The following L3MBTL2 variants were observed in gnomAD, a reference collection of about 807,000 sequenced individuals.
L3MBTL2 encodes lethal(3)malignant brain tumor-like protein 2.
In L3MBTL2, 49 loss-of-function variants were observed where a neutral mutation model predicts 86.4. That is an observed-to-expected ratio of 0.57 (90% CI 0.45 to 0.72). The LOEUF (loss-of-function observed/expected upper bound fraction) is 0.72, where lower values mean the gene tolerates loss of function less well. L3MBTL2 is among the 30% of genes least tolerant of loss of function. The pLI, the probability that L3MBTL2 is intolerant of heterozygous loss-of-function variation, is 0.00. For missense variants in L3MBTL2, 755 were observed against 923.7 expected (o/e 0.82, Z 2.37); for synonymous variants, 336 against 350.6 (o/e 0.96, Z 0.47).
At chr22:41,214,223 G>C (rs939989001) in intron 3 of L3MBTL2, 197 bp downstream of exon 3, 2 of 554,084 alleles carry the variant, frequency 3.6e-6, no homozygotes, top group African/African-American at 3.8e-5. Flanking sequence ...CTGAAGCTAC[G>C]CTCCATTACC....
rs762759161 is a variant in L3MBTL2, at chr22:41,227,324, G to T, written c.1822+1G>T. 3.1e-6 allele frequency: 5 copies of T among 1,593,678 alleles called. No individual in the cohort carries two copies. The highest frequency in any genetic ancestry group is 4.3e-6 in the Non-Finnish European group (5 of 1,170,380). On this transcript the variant is annotated splice_donor_variant, in intron 14 of 16. Coordinates refer to ENST00000216237, the MANE Select transcript of L3MBTL2 (RefSeq NM_031488.5). LOFTEE classifies it high-confidence loss of function. This position sits in a 1 kb window ranked among gnomAD's most constrained non-coding sequence, Gnocchi z 6.0. ...CAGCTCCAGCCTCCTGTGGCCGCAG[G>T]TGTGGGCTCTCGTGGCCCTAAGAGG...
intron 3 of L3MBTL2, among the ~76,000 whole-genome samples, chr22:41,214,883 C>T (rs528272538): frequency 2.6e-5 from 4 of 152,218 alleles, no homozygotes; most frequent in East Asian, 1.9e-4. Context: ...TGGTGTTGTA[C>T]GCCTGTAGTC....
intron 5 of L3MBTL2, 117 bp from the exon 6 acceptor site, chr22:41,219,302 G>C (rs1249190592): frequency 2.7e-6 from 2 of 740,650 alleles, no homozygotes; most frequent in Non-Finnish European, 4.9e-6. Flanking sequence ...TCTGCACACA[G>C]TGGGTGATGT....
Position 41,225,020 on chromosome 22 carries a change from G to A in L3MBTL2, c.1305G>A (p.Glu435=), listed in dbSNP as rs761903175. The A allele has an allele frequency of 6.2e-6, 10 of 1,613,996 alleles. No homozygotes were observed. Among genetic ancestry groups the A allele is most frequent in the Non-Finnish European group, 8.5e-6 (10 of 1,180,000 alleles). ...GGTTTGAGGAAGGGATGAAGCTGGA[G>A]GCCATTGACCCCCTGAATCTGGGCA... ...GGWFEEGMKL[E]AIDPLNLGNI... is the part of the protein sequence containing the mutation. The change falls in exon 11 of 17, where the codon GAG becomes GAA. Residue 435 remains glutamate (E), a synonymous_variant. Coordinates refer to ENST00000216237, the MANE Select transcript of L3MBTL2 (RefSeq NM_031488.5). This position sits in a 1 kb window ranked among gnomAD's most constrained non-coding sequence, Gnocchi z 4.1.
At chr22:41,215,686 G>T (rs140412038) in intron 3 of L3MBTL2, among the ~76,000 whole-genome samples, 5 of 150,970 alleles carry the variant, frequency 3.3e-5, no homozygotes, top group Non-Finnish European at 5.9e-5. Flanking sequence ...ACCCTCTCCC[G>T]AACATTCGCC....
Position 41,220,785 on chromosome 22 carries a change from ACTT to A in L3MBTL2, c.773_775del (p.Phe258del). On this transcript the variant is annotated inframe_deletion, in exon 7 of 17. Transcript: ENST00000216237. ...GGCTTTGAAAATGACGCCAGCCATGACTTCTGGTGCAACCTGGGAACAGTGGAT... is the reference window on the plus strand; with the variant it reads ...GGCTTTGAAAATGACGCCAGCCATGACTGGTGCAACCTGGGAACAGTGGAT... The A allele has an allele frequency of 6.2e-7, 1 of 1,613,854 alleles. No individual in the cohort carries two copies. Among genetic ancestry groups the A allele is most frequent in the Non-Finnish European group, 8.5e-7 (1 of 1,179,928 alleles).
intron 2 of L3MBTL2, among the ~76,000 whole-genome samples, chr22:41,212,722 C>T (rs543852647): frequency 1.5e-4 from 22 of 151,538 alleles, no homozygotes; most frequent in South Asian, 1.3e-3. Flanking sequence ...GGCGAAACCC[C>T]GTCTCTACTA....
intron 1 of L3MBTL2, among the ~76,000 whole-genome samples, chr22:41,206,630 C>T (rs951744925): frequency 1.3e-5 from 2 of 151,972 alleles, no homozygotes; most frequent in Non-Finnish European, 2.9e-5. Context: ...AACCCCATCT[C>T]TACTAAAAAT....
intron 15 of L3MBTL2, among the ~76,000 whole-genome samples, chr22:41,228,944 G>A (rs2032389007): frequency 6.6e-6 from 1 of 152,166 alleles, no homozygotes. Context: ...AATGGTGCAT[G>A]TTGTGGGAAG....
chr22:41,226,706 A>G lies in L3MBTL2; in HGVS notation c.1549A>G (p.Thr517Ala). The G allele has an allele frequency of 6.2e-7, 1 of 1,613,998 alleles. No individual in the cohort carries two copies. The highest frequency in any genetic ancestry group is 8.5e-7 in the Non-Finnish European group (1 of 1,179,870). ...TFNWENYLEKTKSKAAPSRLF... is the reference protein window; with the variant it reads ...TFNWENYLEKAKSKAAPSRLF... ...CAACTGGGAGAACTACTTGGAGAAG[A>G]CCAAGTCGAAAGCCGCTCCATCGAG... The change falls in exon 13 of 17, where the codon ACC becomes GCC. Residue 517 changes from threonine (T) to alanine (A), a missense_variant. Thr to Ala is a moderately conservative substitution (Grantham distance 58, BLOSUM62 0). Transcript: ENST00000216237.
intron 15 of L3MBTL2, chr22:41,228,313 G>C (rs2032334069): frequency 6.1e-6 from 6 of 985,486 alleles, no homozygotes; most frequent in Non-Finnish European, 7.2e-6. Context: ...TGGGAGCAAA[G>C]GCAGGCAGCT....
chr22:41,211,376 T>G (rs1601493265), intron 2 of L3MBTL2, among the ~76,000 whole-genome samples: 1 of 51,136 alleles, frequency 2.0e-5, no homozygotes, highest in Non-Finnish European at 4.0e-5. Context: ...AATTTTTGTA[T>G]TTTTTTTTTG....
At position 41,226,946 on chromosome 22, in the gene L3MBTL2, G is replaced by A. The variant is rs1027544809; in HGVS notation, c.1588-143G>A. On this transcript the variant is annotated intron_variant, in intron 13 of 16. Coordinates refer to ENST00000216237, the MANE Select transcript of L3MBTL2 (RefSeq NM_031488.5). ...GGCGGTACTGGGAGAGGTGCAGTGG[G>A]TTATTGTCTAGAGGAAGCTGCCCCA... 9.0e-6 allele frequency: 7 copies of A among 773,782 alleles called. No homozygotes were observed. In the African/African-American group the frequency reaches 1.2e-4, roughly 13 times the overall value. The allele number at this position is 773,782 out of a possible 1,614,324, so 47.9% of individuals were successfully genotyped here. A position where few individuals can be genotyped will look rare whatever the true frequency, so the allele number is the denominator to read the frequency against.
chr22:41,224,704 C>T lies in L3MBTL2; in HGVS notation c.1175-21C>T, dbSNP rs1470379180. 2 of 1,597,936 alleles carry T rather than the reference C, an allele frequency of 1.3e-6. No individual in the cohort carries two copies. Among genetic ancestry groups the T allele is most frequent in the Admixed American group, 1.7e-5 (1 of 60,000 alleles). On this transcript the variant is annotated intron_variant, in intron 9 of 16. Coordinates refer to ENST00000216237, the MANE Select transcript of L3MBTL2 (RefSeq NM_031488.5). The surrounding 1 kb of genome is among the most constrained non-coding windows in gnomAD (Gnocchi z 4.9). The stretch of plus-strand genomic sequence containing the variant: ...CTCCAACTCCCTTCTCTCCCTCATT[C>T]CCTATCCATCTCCTCCAAAGAGAGG...
At chr22:41,223,996 G>A (rs544567858) in intron 8 of L3MBTL2, 24 bp from the exon 9 acceptor site, 2 of 1,589,850 alleles carry the variant, frequency 1.3e-6, no homozygotes, top group Non-Finnish European at 1.7e-6. Flanking sequence ...GCCATAGCAG[G>A]CCTGTGTTCT....
chr22:41,225,052 G>C lies in L3MBTL2; in HGVS notation c.1337G>C (p.Cys446Ser), dbSNP rs1295719296. The C allele has an allele frequency of 3.7e-6, 6 of 1,613,818 alleles. No homozygotes were observed. Among genetic ancestry groups the C allele is most frequent in the Non-Finnish European group, 5.1e-6 (6 of 1,179,898 alleles). ...AIDPLNLGNI[C>S]VATVCKVLLD... is the part of the protein sequence containing the mutation. ...GACCCCCTGAATCTGGGCAACATCT[G>C]CGTGGCAACTGTCTGTAAGGTGAGC... is the stretch of plus-strand genomic sequence containing the variant. Residue 446 changes from cysteine to serine, a missense_variant, in exon 11 of 17, where the codon TGC becomes TCC. By Grantham distance (112) the Cys-to-Ser change is moderately radical. Around this residue, in one of 3 missense-constraint regions of L3MBTL2, gnomAD observed 634 missense variants for 748.9 expected, o/e 0.85. Transcript: ENST00000216237. This position sits in a 1 kb window ranked among gnomAD's most constrained non-coding sequence, Gnocchi z 4.1.
Position 41,230,532 on chromosome 22 carries a change from C to T in L3MBTL2, c.*281C>T, listed in dbSNP as rs1393313885. On this transcript the variant is annotated 3_prime_UTR_variant, in exon 17 of 17. Coordinates refer to ENST00000216237, the MANE Select transcript of L3MBTL2 (RefSeq NM_031488.5). ...CCAGCCAGAGTTCCCAAAGCTGGAACGCTAGCTGCCTGCTCTTCCTTAAGA... is the reference window on the plus strand; with the variant it reads ...CCAGCCAGAGTTCCCAAAGCTGGAATGCTAGCTGCCTGCTCTTCCTTAAGA... The T allele has an allele frequency of 4.2e-5, 18 of 433,406 alleles. No homozygotes were observed. Among genetic ancestry groups the T allele is most frequent in the Non-Finnish European group, 6.7e-5 (16 of 240,310 alleles). The allele number at this position is 433,406 out of a possible 1,614,324, so 26.8% of individuals were successfully genotyped here.
At position 41,227,829 on chromosome 22, in the gene L3MBTL2, A is replaced by G. The variant is rs199653147; in HGVS notation, c.1848A>G (p.Lys616=). 865 of 1,613,788 alleles carry G rather than the reference A, an allele frequency of 5.4e-4. 1 individual carries two copies. The highest frequency in any genetic ancestry group is 6.4e-4 in the Non-Finnish European group (755 of 1,179,832). Residue 616 remains lysine, a synonymous_variant, in exon 15 of 17, where the codon AAA becomes AAG. Transcript: ENST00000216237. This position sits in a 1 kb window ranked among gnomAD's most constrained non-coding sequence, Gnocchi z 6.0. ...AACCGGCCACACCGCTGAAGGCCAA[A>G]GAGGCCACAAAGAAGAAAAAGAAAC... ...AAEPATPLKA[K]EATKKKKKQF... is the part of the protein sequence containing the mutation.
rs1164028714 is a variant in L3MBTL2 at position 41,226,694 on chromosome 22, T to C, written c.1537T>C (p.Tyr513His). ...YEAQTFNWEN[Y>H]LEKTKSKAAP... Reference sequence around the variant, plus strand: ...GGCACAGACTTTCAACTGGGAGAACTACTTGGAGAAGACCAAGTCGAAAGC... The same window carrying C: ...GGCACAGACTTTCAACTGGGAGAACCACTTGGAGAAGACCAAGTCGAAAGC... Residue 513 changes from tyrosine (Y) to histidine (H), a missense_variant, in exon 13 of 17, where the codon TAC becomes CAC. Tyr to His is a moderately conservative substitution (Grantham distance 83). This residue lies in a region of L3MBTL2 where 634 missense variants were observed against 748.9 expected (regional missense o/e 0.85). Coordinates refer to ENST00000216237, the MANE Select transcript of L3MBTL2 (RefSeq NM_031488.5). 6 of 1,613,958 alleles carry C rather than the reference T, an allele frequency of 3.7e-6. No homozygotes were observed. The South Asian group carries it at 6.6e-5, about 18-fold the overall frequency.
Sources: allele counts gnomAD v4.1 joint callset (sites outside exome capture counted in the v4.1 genomes callset), GRCh38; gene constraint gnomAD v4.1.1; regional missense constraint gnomAD v4.1.1; non-coding constraint Gnocchi (gnomAD v3.1); transcripts MANE v1.5; gene names NCBI Gene and HGNC (gene_info 2026-07-23, HGNC 2026-07-21).